XYLB: variants seen among roughly 807,000 people sequenced by gnomAD.
XYLB encodes xylulokinase.
Under a neutral mutation model 78.7 loss-of-function variants are expected in XYLB, and 62 were observed. That is an observed-to-expected ratio of 0.79 (90% confidence interval 0.64 to 0.97). The LOEUF (loss-of-function observed/expected upper bound fraction) is 0.97, where lower values mean the gene tolerates loss of function less well. Among genes scored for constraint, XYLB ranks in the 50% least tolerant of loss-of-function variants. The pLI is 0.00. For synonymous variants in XYLB, 245 were observed against 247.4 expected, an observed-to-expected ratio of 0.99 and a Z score of 0.09; for missense variants, 687 against 676.8, an observed-to-expected ratio of 1.02 and a Z score of -0.17.
At chr3:38,388,173 T>TGTTTTG (rs56238441) in intron 15 of XYLB, among the ~76,000 whole-genome samples, 1 of 141,892 alleles carries the variant, frequency 7.0e-6, no homozygotes, top group Non-Finnish European at 1.5e-5. Flanking sequence ...TTTTTTGTTT[T>TGTTTTG]TTTTTTTTTT....
Position 38,413,050 on chromosome 3 carries a change from C to G in XYLB, c.*37C>G, listed in dbSNP as rs751328433. On this transcript the variant is annotated 3_prime_UTR_variant, in exon 19 of 19. Transcript: ENST00000207870. ...TGTTGCCCCTGCCTGCCCAGATTTA[C>G]TGACCCCATTTGTCGACATGGCCCC... 1 of 1,560,262 alleles carries G rather than the reference C, an allele frequency of 6.4e-7. No homozygotes were observed.
At chr3:38,401,259 G>A (rs1708114784) in intron 18 of XYLB, among the ~76,000 whole-genome samples, 1 of 151,972 alleles carries the variant, frequency 6.6e-6, no homozygotes, top group Non-Finnish European at 1.5e-5. Flanking sequence ...ATGTCACTGG[G>A]CTATAAAAGC....
chr3:38,428,105 C>A, the XYLB span, among the ~76,000 whole-genome samples: 1 of 152,090 alleles, frequency 6.6e-6, no homozygotes, highest in Non-Finnish European at 1.5e-5. Flanking sequence ...GGTTAATTCC[C>A]AAATATTAGG....
At chr3:38,350,908 G>A (rs1367003900) in intron 2 of XYLB, among the ~76,000 whole-genome samples, 4 of 151,950 alleles carry the variant, frequency 2.6e-5, no homozygotes, top group Admixed American at 2.0e-4. Flanking sequence ...TTGGGAGGCT[G>A]AAGCAGGCAG....
chr3:38,353,399 G>A lies in XYLB; in HGVS notation c.140+4767G>A, dbSNP rs551957093. ...CAGCTCACTGCTATCTATGCCTCCC[G>A]GGCTCAAGCAATCCTCCCTCCTTAG... is the stretch of plus-strand genomic sequence containing the variant. On this transcript the variant is annotated intron_variant, in intron 2 of 18. Coordinates refer to ENST00000207870, the MANE Select transcript of XYLB (RefSeq NM_005108.4). Among the ~76,000 whole-genome samples the A allele has an allele frequency of 2.0e-4, 30 of 152,088 alleles. No homozygotes were observed. The South Asian group carries it at 3.5e-3, about 18-fold the overall frequency.
Position 38,412,834 on chromosome 3 carries a change from A to G in XYLB, c.1534-102A>G, listed in dbSNP as rs1708650705. 9.0e-6 allele frequency: 9 copies of G among 1,003,200 alleles called. No homozygotes were observed. The South Asian group carries it at 1.1e-4, about 12-fold the overall frequency. The allele number at this position is 1,003,200 out of a possible 1,614,324, so 62.1% of individuals were successfully genotyped here. ...TTCTTTCGCCCAGAAAAAAAGTTAA[A>G]TTGCAAGTAAACGGGATTTAAAAAT... On this transcript the variant is annotated intron_variant, in intron 18 of 18. Transcript: ENST00000207870.
At chr3:38,383,447 G>A (rs1019641231) in intron 15 of XYLB, among the ~76,000 whole-genome samples, 1 of 152,278 alleles carries the variant, frequency 6.6e-6, no homozygotes, top group Admixed American at 6.5e-5. Flanking sequence ...TGTTGTTTAG[G>A]TTGATTGTAA....
chr3:38,388,573 T>C (rs976024533), intron 15 of XYLB, among the ~76,000 whole-genome samples: 8 of 152,232 alleles, frequency 5.3e-5, no homozygotes, highest in African/African-American at 1.9e-4. Context: ...ATACTAACAG[T>C]GTAACTCTGG....
rs1443632628 is a variant in XYLB at position 38,365,596 on chromosome 3, C to T, written c.379-12C>T. ...ATGGAGCTTAAGCCTGTGCCTTTGC[C>T]CTCCTTCCCAGGACTGTTTCTCCAT... On this transcript the variant is annotated splice_polypyrimidine_tract_variant and intron_variant, in intron 5 of 18. Coordinates refer to ENST00000207870, the MANE Select transcript of XYLB (RefSeq NM_005108.4). 2 of 1,604,486 alleles carry T rather than the reference C, an allele frequency of 1.2e-6. No homozygotes were observed. The highest frequency in any genetic ancestry group is 2.2e-5 in the South Asian group (2 of 90,262).
rs1003721052 is a variant in XYLB, at chr3:38,375,077, G to A, written c.889-67G>A. On this transcript the variant is annotated intron_variant, in intron 11 of 18. Coordinates refer to ENST00000207870, the MANE Select transcript of XYLB (RefSeq NM_005108.4). ...GGTTAAGGTGGGTGGAGTACAGCGC[G>A]TCGCTGGCAGAGGGCAGCGTGTGTG... The A allele has an allele frequency of 4.1e-5, 54 of 1,304,614 alleles. 1 individual carries two copies. The highest frequency in any genetic ancestry group is 1.6e-4 in the African/African-American group (11 of 68,332). 80.8% of individuals were successfully genotyped at this position (1,304,614 alleles called of 1,614,324 possible).
At chr3:38,437,002 TAAA>T in the XYLB span, among the ~76,000 whole-genome samples, 5 of 99,008 alleles carry the variant, frequency 5.1e-5, no homozygotes, top group African/African-American at 2.0e-4. Flanking sequence ...AGACTCCTTC[TAAA>T]AATAATAATA....
At chr3:38,439,186 G>T in the XYLB span, among the ~76,000 whole-genome samples, 1 of 152,166 alleles carries the variant, frequency 6.6e-6, no homozygotes, top group Admixed American at 6.5e-5. Context: ...CTGGATAGGG[G>T]CGAAGAAGGG....
chr3:38,369,092 G>A (rs818834), intron 8 of XYLB, among the ~76,000 whole-genome samples: 135,962 of 152,186 alleles, frequency 0.89, 61,322 homozygotes, highest in East Asian at 1. Context: ...GCCCAGAGCC[G>A]TGGATATGGC....
chr3:38,350,963 G>C (rs745492546), intron 2 of XYLB, among the ~76,000 whole-genome samples: 1 of 151,718 alleles, frequency 6.6e-6, no homozygotes, highest in Non-Finnish European at 1.5e-5. Flanking sequence ...CCAACATGGT[G>C]AAACCCTGTT....
chr3:38,418,603 C>T (rs1327731572), downstream of XYLB, among the ~76,000 whole-genome samples: 4 of 152,110 alleles, frequency 2.6e-5, no homozygotes, highest in East Asian at 7.7e-4. Flanking sequence ...TGCATCCACA[C>T]AATAAAAAAG....
chr3:38,441,927 G>A, the XYLB span, among the ~76,000 whole-genome samples: 1 of 152,262 alleles, frequency 6.6e-6, no homozygotes, highest in South Asian at 2.1e-4. Context: ...AAGGCTTAAG[G>A]CTGGAGCTTG....
intron 14 of XYLB, among the ~76,000 whole-genome samples, chr3:38,378,750 G>A (rs1467603713): frequency 6.6e-6 from 1 of 150,790 alleles, no homozygotes; most frequent in East Asian, 1.9e-4. Context: ...TGGGGTTGAT[G>A]CCCATCAGTG....
the XYLB span, among the ~76,000 whole-genome samples, chr3:38,434,699 C>T: frequency 2.0e-5 from 3 of 152,170 alleles, no homozygotes; most frequent in Admixed American, 6.5e-5. Context: ...CAGAAATCCA[C>T]CAAGCCACAA....
chr3:38,384,745 A>G (rs1429134677), intron 15 of XYLB, among the ~76,000 whole-genome samples: 1 of 152,208 alleles, frequency 6.6e-6, no homozygotes, highest in Non-Finnish European at 1.5e-5. Flanking sequence ...AGATTGAATC[A>G]TACGGAATTG....
Sources: gnomAD v4.1 joint callset for allele counts (sites outside exome capture counted in the v4.1 genomes callset) on GRCh38, gnomAD v4.1.1 for gene constraint, MANE v1.5 for transcripts, NCBI Gene and HGNC (gene_info 2026-07-23, HGNC 2026-07-21) for gene names.